Variants in BLTP3A observed in about 807,000 individuals in gnomAD.
BLTP3A encodes bridge-like lipid transfer protein family member 3A.
chr6:34,825,475 T>C, the BLTP3A span, among the ~76,000 whole-genome samples: 6 of 152,148 alleles, frequency 3.9e-5, no homozygotes, highest in African/African-American at 1.4e-4. Context: ...GCCCAGCTAA[T>C]TTTTTGCATT....
the BLTP3A span, chr6:34,834,524 C>T: frequency 0.35 from 502,398 of 1,431,152 alleles, 93,747 homozygotes; most frequent in African/African-American, 0.68. Flanking sequence ...TTCCTGGGAA[C>T]CCAGAGGCCT....
chr6:34,828,443 T>TC, the BLTP3A span, among the ~76,000 whole-genome samples: 1 of 137,562 alleles, frequency 7.3e-6, no homozygotes, highest in East Asian at 2.1e-4. Context: ...AGAGCAAGAC[T>TC]CCATCTCAAA....
the BLTP3A span, among the ~76,000 whole-genome samples, chr6:34,832,127 T>C: frequency 1.3e-5 from 2 of 151,014 alleles, no homozygotes; most frequent in Non-Finnish European, 3.0e-5. Context: ...TTCTTTCTTT[T>C]TTTTTTTTTT....
chr6:34,836,049 A>G, the BLTP3A span: 1 of 1,392,544 alleles, frequency 7.2e-7, no homozygotes, highest in Non-Finnish European at 9.7e-7. Flanking sequence ...GGGAAGGAAC[A>G]TCTTGCTAAA....
the BLTP3A span, chr6:34,857,617 G>A: frequency 1.3e-4 from 191 of 1,444,630 alleles, 1 homozygote; most frequent in East Asian, 3.5e-3. Context: ...ACTCTGCCCT[G>A]TATAAATGTG....
At chr6:34,815,791 C>G in the BLTP3A span, among the ~76,000 whole-genome samples, 1 of 151,870 alleles carries the variant, frequency 6.6e-6, no homozygotes, top group African/African-American at 2.4e-5. Flanking sequence ...TACAGGCATG[C>G]CTCACCATGG....
At chr6:34,864,522 C>CTTTTTTTTTTTTTT in the BLTP3A span, among the ~76,000 whole-genome samples, 1 of 109,456 alleles carries the variant, frequency 9.1e-6, no homozygotes. Flanking sequence ...TGCTTATAGT[C>CTTTTTTTTTTTTTT]TTTTTTTTTT....
At chr6:34,832,689 G>C in the BLTP3A span, among the ~76,000 whole-genome samples, 1 of 151,812 alleles carries the variant, frequency 6.6e-6, no homozygotes. Context: ...GGGCTCAAAT[G>C]ATCCTCCACC....
chr6:34,857,344 C>A, the BLTP3A span: 3 of 1,613,168 alleles, frequency 1.9e-6, no homozygotes, highest in African/African-American at 1.3e-5. Flanking sequence ...CACCGCTGGA[C>A]AGCCAAGTAA....
chr6:34,863,334 C>G, the BLTP3A span, among the ~76,000 whole-genome samples: 2 of 152,108 alleles, frequency 1.3e-5, no homozygotes, highest in Admixed American at 1.3e-4. Flanking sequence ...TTAACTTTAT[C>G]TTCCATTGCT....
chr6:34,872,447 G>T, the BLTP3A span: 9 of 1,604,220 alleles, frequency 5.6e-6, no homozygotes, highest in African/African-American at 9.4e-5. Context: ...GAAACCAGTG[G>T]CTCAGCCATC....
the BLTP3A span, chr6:34,858,916 A>G: frequency 3.9e-4 from 632 of 1,614,158 alleles, 7 homozygotes; most frequent in Admixed American, 5.8e-3. Context: ...GCAGCTGACT[A>G]AGGATACAGA....
the BLTP3A span, chr6:34,834,381 G>A: frequency 4.3e-6 from 7 of 1,613,282 alleles, no homozygotes; most frequent in East Asian, 8.9e-5. Flanking sequence ...CGCCTTACCC[G>A]CATCACTGAC....
chr6:34,823,065 A>G, the BLTP3A span, among the ~76,000 whole-genome samples: 1 of 151,916 alleles, frequency 6.6e-6, no homozygotes, highest in Admixed American at 6.6e-5. Flanking sequence ...TGGAAGGGGG[A>G]AAATGAGGAC....
the BLTP3A span, among the ~76,000 whole-genome samples, chr6:34,868,127 T>C: frequency 6.7e-6 from 1 of 150,354 alleles, no homozygotes; most frequent in Non-Finnish European, 1.5e-5. Context: ...GCCAACATGG[T>C]AAAACGCTGT....
the BLTP3A span, among the ~76,000 whole-genome samples, chr6:34,870,480 C>T: frequency 5.3e-5 from 8 of 152,166 alleles, no homozygotes; most frequent in African/African-American, 1.9e-4. Context: ...AAAACCAAGA[C>T]TTAGAGAAAG....
At chr6:34,834,926 G>C in the BLTP3A span, 1 of 1,570,158 alleles carries the variant, frequency 6.4e-7, no homozygotes. Flanking sequence ...CCTGGATTTG[G>C]TATTCCCTTA....
At chr6:34,820,118 C>G in the BLTP3A span, among the ~76,000 whole-genome samples, 1 of 151,994 alleles carries the variant, frequency 6.6e-6, no homozygotes, top group African/African-American at 2.4e-5. Flanking sequence ...TACTGTTTCA[C>G]ATTCTTAACT....
At chr6:34,820,913 AGGTGCT>A in the BLTP3A span, among the ~76,000 whole-genome samples, 2 of 144,626 alleles carry the variant, frequency 1.4e-5, no homozygotes, top group Admixed American at 7.1e-5. Flanking sequence ...AAGCCTCCCA[AGGTGCT>A]GGGATTATAG....
Sources: gnomAD v4.1 joint callset for allele counts (sites outside exome capture counted in the v4.1 genomes callset) on GRCh38, gnomAD v4.1.1 for gene constraint, MANE v1.5 for transcripts, NCBI Gene and HGNC (gene_info 2026-07-23, HGNC 2026-07-21) for gene names.